The following SETDB2 variants were observed in gnomAD, a reference collection of about 807,000 sequenced individuals.
SETDB2 encodes histone-lysine N-methyltransferase SETDB2.
A neutral mutation model predicts 82.5 loss-of-function variants in SETDB2; 56 were observed. That is an observed-to-expected ratio of 0.68 (90% CI 0.55 to 0.85). SETDB2 has a LOEUF of 0.85. Ranked by LOEUF, SETDB2 falls within the 40% of genes least tolerant of loss-of-function variation. The pLI, the probability that SETDB2 is intolerant of heterozygous loss-of-function variation, is 0.00. For synonymous variants in SETDB2, 272 were observed against 284.9 expected (o/e 0.95, Z 0.46); for missense variants, 677 against 816.4 (o/e 0.83, Z 2.08).
chr13:49,487,579 G>A (rs769942129), intron 11 of SETDB2, among the ~76,000 whole-genome samples: 36 of 152,058 alleles, frequency 2.4e-4, no homozygotes, highest in Non-Finnish European at 4.0e-4. Flanking sequence ...CTGGCCTCAA[G>A]CATCCTCCTG....
In SETDB2 at chr13:49,480,329, C is replaced by T; in HGVS notation, c.980C>T (p.Pro327Leu). 6.3e-7 allele frequency: 1 copy of T among 1,586,408 alleles called. No homozygotes were observed. The highest frequency in any genetic ancestry group is 1.4e-5 in the African/African-American group (1 of 73,868). The stretch of plus-strand genomic sequence containing the variant: ...TATAAAAGACTACAGAGACAGATTC[C>T]TACTGGGTAAGGTACCTTGAGGATT... ...YKYKRLQRQI[P>L]TGIYECSLLC... Residue 327 changes from proline to leucine, a missense_variant, in exon 7 of 14, where the codon CCT (proline) becomes CTT (leucine). Transcript: ENST00000611815.
chr13:49,465,971 A>G (rs763756140), intron 4 of SETDB2, among the ~76,000 whole-genome samples: 2 of 152,196 alleles, frequency 1.3e-5, no homozygotes, highest in Non-Finnish European at 2.9e-5. Flanking sequence ...TAGGCAAAAC[A>G]GAGGTGTTGA....
intron 4 of SETDB2, chr13:49,463,922 C>A: frequency 1.4e-6 from 1 of 698,534 alleles, no homozygotes; most frequent in Non-Finnish European, 2.6e-6. Flanking sequence ...TGGGTCTGGG[C>A]TGTGCCTATT....
chr13:49,491,031 CTGCT>C (rs1958701321), intron 13 of SETDB2, 121 bp downstream of exon 13: 3 of 649,004 alleles, frequency 4.6e-6, no homozygotes, highest in Non-Finnish European at 7.8e-6. Context: ...GGTGGGGAGA[CTGCT>C]TGAGCTCAGG....
At chr13:49,473,598 A>G (rs1256674287) in intron 5 of SETDB2, among the ~76,000 whole-genome samples, 1 of 151,892 alleles carries the variant, frequency 6.6e-6, no homozygotes, top group East Asian at 1.9e-4. Context: ...GTCAAATGAC[A>G]TTTACAGAAT....
chr13:49,478,898 G>T (rs1282796310), intron 6 of SETDB2, among the ~76,000 whole-genome samples: 1 of 152,140 alleles, frequency 6.6e-6, no homozygotes, highest in Non-Finnish European at 1.5e-5. Context: ...CTGCACTCCA[G>T]CCTGGGCAAC....
intron 12 of SETDB2, among the ~76,000 whole-genome samples, chr13:49,489,878 G>A (rs1439003883): frequency 1.4e-5 from 2 of 140,560 alleles, no homozygotes; most frequent in African/African-American, 5.3e-5. Flanking sequence ...TTACAGGTGT[G>A]AGCCACCGCA....
At position 49,488,413 on chromosome 13, in the gene SETDB2, C is replaced by T. The variant is rs1333661408; in HGVS notation, c.1700C>T (p.Thr567Ile). Residue 567 changes from threonine (T) to isoleucine (I), a missense_variant, in exon 12 of 14, where the codon ACA becomes ATA. Transcript: ENST00000611815. ...AGGAGCAGATGTAACCAGGCGACCA[C>T]ATTGGATAATCAGAATATTAAAAAG... is the stretch of plus-strand genomic sequence containing the variant. ...PPRSRCNQAT[T>I]LDNQNIKKAI... is the part of the protein sequence containing the mutation. The T allele has an allele frequency of 2.0e-5, 33 of 1,613,964 alleles. No individual in the cohort carries two copies. Among genetic ancestry groups the T allele is most frequent in the Non-Finnish European group, 2.8e-5 (33 of 1,180,014 alleles).
At chr13:49,486,441 A>G (rs1337647717) in intron 11 of SETDB2, among the ~76,000 whole-genome samples, 3 of 152,218 alleles carry the variant, frequency 2.0e-5, no homozygotes, top group Non-Finnish European at 2.9e-5. Context: ...AATATTTGCT[A>G]TTTTGCCTTC....
Position 49,476,846 on chromosome 13 carries a change from AAAG to A in SETDB2, c.680_682del (p.Glu227del). 1 of 1,614,128 alleles carries A rather than the reference AAAG, an allele frequency of 6.2e-7. No individual in the cohort carries two copies. The highest frequency in any genetic ancestry group is 8.5e-7 in the Non-Finnish European group (1 of 1,180,018). On this transcript the variant is annotated inframe_deletion, in exon 6 of 14. Transcript: ENST00000611815. ...GTTGGCTCGGAATTACCCAAAGCAA[AAAG>A]AAGTTGTTTCTGATGTGGATATTAG...
intron 1 of SETDB2, among the ~76,000 whole-genome samples, chr13:49,449,909 C>G (rs1957756314): frequency 6.6e-6 from 1 of 152,172 alleles, no homozygotes; most frequent in Non-Finnish European, 1.5e-5. Flanking sequence ...ATTTCTTTCA[C>G]AGTCTCTGAG....
chr13:49,472,059 C>A (rs192776708), intron 5 of SETDB2, among the ~76,000 whole-genome samples: 3 of 151,312 alleles, frequency 2.0e-5, no homozygotes. Context: ...GCATGAGCCA[C>A]CGCACCCAAC....
At chr13:49,477,863 A>G (rs1167553610) in intron 6 of SETDB2, among the ~76,000 whole-genome samples, 1 of 152,228 alleles carries the variant, frequency 6.6e-6, no homozygotes, top group Non-Finnish European at 1.5e-5. Flanking sequence ...TGTGATGCTT[A>G]TAACTAGTAT....
At chr13:49,477,322 G>T (rs906103778) in intron 6 of SETDB2, among the ~76,000 whole-genome samples, 2 of 152,122 alleles carry the variant, frequency 1.3e-5, no homozygotes, top group African/African-American at 4.8e-5. Flanking sequence ...TATAGTCCCA[G>T]CTACTCTGGA....
rs1019446760 is a variant in SETDB2, at chr13:49,492,115, C to G, written c.*266C>G. ...ATATTTTATATGAAATACCACTGTA[C>G]AATTTATAATTTATTTACAAATTAT... is the stretch of plus-strand genomic sequence containing the variant. On this transcript the variant is annotated 3_prime_UTR_variant, in exon 14 of 14. Coordinates refer to ENST00000611815, the MANE Select transcript of SETDB2 (RefSeq NM_001160308.3). 1.3e-5 allele frequency: 4 copies of G among 299,640 alleles called. No homozygotes were observed. In the East Asian group the frequency reaches 2.9e-4, roughly 22 times the overall value. The allele number at this position is 299,640 out of a possible 1,614,324, so 18.6% of individuals were successfully genotyped here.
At chr13:49,454,900 C>T (rs9568210) in intron 2 of SETDB2, among the ~76,000 whole-genome samples, 6,458 of 151,950 alleles carry the variant, frequency 0.043, 214 homozygotes, top group East Asian at 0.16. Flanking sequence ...ACTTTATACT[C>T]TTTAGAGTAT....
intron 1 of SETDB2, among the ~76,000 whole-genome samples, chr13:49,449,931 A>G (rs1957756678): frequency 6.6e-6 from 1 of 152,104 alleles, no homozygotes; most frequent in East Asian, 1.9e-4. Flanking sequence ...GACTCTTTGA[A>G]TGTCTGCAAA....
At position 49,492,481 on chromosome 13, in the gene SETDB2, T is replaced by TA. The variant is rs1958731691; in HGVS notation, c.*632_*633insA. ...GCAAGCTCTTTGAAATGAGTCTTCT[T>TA]TCCCACAGATTTTCTCTACTCTTTC... On this transcript the variant is annotated 3_prime_UTR_variant, in exon 14 of 14. Transcript: ENST00000611815. 1 of 152,588 alleles carries TA rather than the reference T, an allele frequency of 6.6e-6. No individual in the cohort carries two copies. Among genetic ancestry groups the TA allele is most frequent in the Non-Finnish European group, 1.5e-5 (1 of 68,342 alleles). 9.5% of individuals were successfully genotyped at this position (152,588 alleles called of 1,614,324 possible). A position where few individuals can be genotyped will look rare whatever the true frequency, so the allele number is the denominator to read the frequency against.
At chr13:49,459,057 A>G (rs1957944765) in intron 2 of SETDB2, among the ~76,000 whole-genome samples, 2 of 152,304 alleles carry the variant, frequency 1.3e-5, no homozygotes, top group South Asian at 2.1e-4. Flanking sequence ...GAGCTGTGCT[A>G]TGGGGAATTA....
Sources: gnomAD v4.1 joint callset for allele counts (sites outside exome capture counted in the v4.1 genomes callset) on GRCh38, gnomAD v4.1.1 for gene constraint, MANE v1.5 for transcripts, NCBI Gene and HGNC (gene_info 2026-07-23, HGNC 2026-07-21) for gene names.